The following RB1 variants were observed in gnomAD, a reference collection of about 807,000 sequenced individuals.
RB1 encodes the protein retinoblastoma-associated protein.
A neutral mutation model predicts 135.4 loss-of-function variants in RB1; 18 were observed. That is an observed-to-expected ratio of 0.13 (90% CI 0.09 to 0.20). The LOEUF is 0.20. RB1 is among the 10% of genes least tolerant of loss of function. The pLI is 1.00. For synonymous variants in RB1, 365 were observed against 373.2 expected (o/e 0.98, Z 0.25); for missense variants, 868 against 1,110.0 (o/e 0.78, Z 3.10).
intron 17 of RB1, among the ~76,000 whole-genome samples, chr13:48,407,480 A>G (rs1948750805): frequency 6.6e-6 from 1 of 152,302 alleles, no homozygotes; most frequent in East Asian, 1.9e-4. Flanking sequence ...TTTAATTGAC[A>G]TTCTTTGTAC....
chr13:48,403,184 AG>A (rs1948708950), intron 17 of RB1, among the ~76,000 whole-genome samples: 1 of 152,210 alleles, frequency 6.6e-6, no homozygotes, highest in Non-Finnish European at 1.5e-5. Context: ...AAAGGGCTTA[AG>A]TAGTATGACT....
chr13:48,458,848 A>C (rs1407693245), intron 19 of RB1, among the ~76,000 whole-genome samples: 1 of 152,248 alleles, frequency 6.6e-6, no homozygotes, highest in Non-Finnish European at 1.5e-5. Context: ...AATAAATTAC[A>C]TATTGCAGTC....
chr13:48,324,843 G>GTT (rs56944149), intron 2 of RB1, among the ~76,000 whole-genome samples: 3 of 142,034 alleles, frequency 2.1e-5, no homozygotes, highest in East Asian at 4.1e-4. Context: ...TTGTGCTTTT[G>GTT]TTTTTTTTTT....
chr13:48,422,848 T>C (rs917282713), intron 17 of RB1: 1 of 152,082 alleles, frequency 6.6e-6, no homozygotes, highest in African/African-American at 2.4e-5. Flanking sequence ...ATTCAAAATA[T>C]AGTGAATCTT....
chr13:48,382,340 C>T lies in RB1; in HGVS notation c.1695+897C>T, dbSNP rs185158012. 1.1e-4 allele frequency among the ~76,000 whole-genome samples: 17 copies of T among 152,310 alleles called. No individual in the cohort carries two copies. In the South Asian group the frequency reaches 2.7e-3, roughly 24 times the overall value. On this transcript the variant is annotated intron_variant, in intron 17 of 26. Transcript: ENST00000267163. ...CAGTGTAAAAGTGTTCCTATTTCTTCACATCCTCTCCAGCATCTGTTGTTT... is the reference window on the plus strand; with the variant it reads ...CAGTGTAAAAGTGTTCCTATTTCTTTACATCCTCTCCAGCATCTGTTGTTT...
chr13:48,465,963 C>T (rs1307661428), intron 23 of RB1, among the ~76,000 whole-genome samples: 2 of 146,918 alleles, frequency 1.4e-5, no homozygotes, highest in South Asian at 4.6e-4. Context: ...AACTGCAAGG[C>T]GGCAGCGAGG....
chr13:48,368,736 T>C (rs777811859), intron 11 of RB1, 132 bp downstream of exon 11: 137 of 1,331,572 alleles, frequency 1.0e-4, no homozygotes, highest in Non-Finnish European at 1.3e-4. Flanking sequence ...CCAGGTGTGG[T>C]GGATCACACC....
intron 17 of RB1, among the ~76,000 whole-genome samples, chr13:48,434,672 A>G (rs907534253): frequency 2.0e-5 from 3 of 152,146 alleles, no homozygotes; most frequent in Non-Finnish European, 4.4e-5. Flanking sequence ...TGACCTGGTG[A>G]AAATGTGTAG....
At chr13:48,443,039 A>G (rs1413608303) in intron 17 of RB1, among the ~76,000 whole-genome samples, 3 of 152,112 alleles carry the variant, frequency 2.0e-5, no homozygotes, top group African/African-American at 7.2e-5. Context: ...ATTTTAAGAC[A>G]TTTAATTAAT....
chr13:48,380,874 G>A (rs554454964), intron 16 of RB1, among the ~76,000 whole-genome samples: 12 of 152,078 alleles, frequency 7.9e-5, no homozygotes, highest in Non-Finnish European at 1.6e-4. Flanking sequence ...ATACCATTTT[G>A]TAACTAATGA....
intron 17 of RB1, among the ~76,000 whole-genome samples, chr13:48,434,882 G>A (rs1010934215): frequency 6.6e-6 from 1 of 152,102 alleles, no homozygotes; most frequent in Non-Finnish European, 1.5e-5. Flanking sequence ...TCACGATATT[G>A]CATGTATCAA....
chr13:48,453,217 T>C, intron 18 of RB1, 106 bp downstream of exon 18: 1 of 1,138,972 alleles, frequency 8.8e-7, no homozygotes, highest in Middle Eastern at 2.2e-4. Flanking sequence ...GAATTTTGAA[T>C]AAGAATAGTT....
Position 48,342,579 on chromosome 13 carries a change from T to C in RB1, c.265-20T>C. 1 of 1,364,300 alleles carries C rather than the reference T, an allele frequency of 7.3e-7. No individual in the cohort carries two copies. The highest frequency in any genetic ancestry group is 1.0e-6 in the Non-Finnish European group (1 of 953,672). 84.5% of individuals were successfully genotyped at this position (1,364,300 alleles called of 1,614,324 possible). On this transcript the variant is annotated intron_variant, in intron 2 of 26. Coordinates refer to ENST00000267163, the MANE Select transcript of RB1 (RefSeq NM_000321.3). The stretch of plus-strand genomic sequence containing the variant: ...GTGAATTATTTAATGAAATATTTGA[T>C]CTTTATTTTTTGTTCCCAGGGAGGT...
intron 2 of RB1, among the ~76,000 whole-genome samples, chr13:48,321,417 C>T (rs1004211395): frequency 1.7e-4 from 25 of 149,604 alleles, no homozygotes; most frequent in Non-Finnish European, 3.6e-4. Context: ...GCCACCGCCC[C>T]GCACCTTTTT....
chr13:48,319,298 C>T lies in RB1; in HGVS notation c.264+11892C>T. ...CTGTGTGCGGGGTCAGGCGTCCTCT[C>T]TCCTCCCGGCGCTGGGCCCTCTGGG... On this transcript the variant is annotated intron_variant, in intron 2 of 26. Coordinates refer to ENST00000267163, the MANE Select transcript of RB1 (RefSeq NM_000321.3). The surrounding 1 kb of genome is among the most constrained non-coding windows in gnomAD (Gnocchi z 5.0). The T allele has an allele frequency of 1.5e-6, 1 of 676,572 alleles. No homozygotes were observed. Among genetic ancestry groups the T allele is most frequent in the Non-Finnish European group, 2.4e-6 (1 of 418,476 alleles). 41.9% of individuals were successfully genotyped at this position (676,572 alleles called of 1,614,324 possible).
chr13:48,456,272 C>T lies in RB1; in HGVS notation c.1883C>T (p.Ala628Val), dbSNP rs1329826610. 1.9e-6 allele frequency: 3 copies of T among 1,614,168 alleles called. No individual in the cohort carries two copies. The highest frequency in any genetic ancestry group is 2.5e-6 in the Non-Finnish European group (3 of 1,180,024). Reference sequence around the variant, plus strand: ...ACGCGTGTAAATTCTACTGCAAATGCAGAGACACAAGCAACCTCAGCCTTC... The same window carrying T: ...ACGCGTGTAAATTCTACTGCAAATGTAGAGACACAAGCAACCTCAGCCTTC... The part of the protein sequence containing the change: ...STTRVNSTAN[A>V]ETQATSAFQT... The change falls in exon 19 of 27, where the codon GCA (alanine) becomes GTA (valine). Residue 628 changes from alanine to valine, a missense_variant. Ala to Val is a moderately conservative substitution (Grantham distance 64). Transcript: ENST00000267163.
intron 17 of RB1, among the ~76,000 whole-genome samples, chr13:48,392,413 G>A (rs746823364): frequency 3.3e-5 from 5 of 151,954 alleles, no homozygotes; most frequent in Non-Finnish European, 7.4e-5. Flanking sequence ...GCCTGGCCTT[G>A]TTCTTTTTTT....
intron 17 of RB1, among the ~76,000 whole-genome samples, chr13:48,402,076 GGTGGAGAAGTGAAATTACTT>G (rs1948697008): frequency 6.6e-6 from 1 of 152,008 alleles, no homozygotes; most frequent in South Asian, 2.1e-4. Flanking sequence ...AGATGAAAAA[GGTGGAGAAGTGAAATTACTT>G]GTCTTTTACA....
intron 17 of RB1, among the ~76,000 whole-genome samples, chr13:48,413,677 A>G (rs1948857730): frequency 6.6e-6 from 1 of 152,140 alleles, no homozygotes; most frequent in Non-Finnish European, 1.5e-5. Context: ...CAATTTTCTA[A>G]CATTCTTTCC....
Sources: gnomAD v4.1 joint callset for allele counts (sites outside exome capture counted in the v4.1 genomes callset) on GRCh38, gnomAD v4.1.1 for gene constraint, Gnocchi (gnomAD v3.1) non-coding constraint, MANE v1.5 for transcripts, NCBI Gene and HGNC (gene_info 2026-07-23, HGNC 2026-07-21) for gene names.